KIAA0232: variants seen among roughly 807,000 people sequenced by gnomAD.
KIAA0232 encodes KIAA0232.
Under a neutral mutation model 122.0 loss-of-function variants are expected in KIAA0232, and 27 were observed. The observed-to-expected ratio is 0.22, with a 90% confidence interval of 0.16 to 0.31. KIAA0232 has a LOEUF of 0.31. KIAA0232 is among the 10% of genes least tolerant of loss of function. The pLI, the probability that KIAA0232 is intolerant of heterozygous loss-of-function variation, is 1.00. For missense variants in KIAA0232, 1,551 were observed against 1,634.2 expected (o/e 0.95, Z 0.88); for synonymous variants, 613 against 587.6 (o/e 1.04, Z -0.63).
chr4:6,848,903 A>G (rs1435030157), intron 4 of KIAA0232, among the ~76,000 whole-genome samples: 1 of 152,246 alleles, frequency 6.6e-6, no homozygotes, highest in Non-Finnish European at 1.5e-5. Context: ...TTGTGTGATC[A>G]CAGCCAGTCC....
intron 2 of KIAA0232, among the ~76,000 whole-genome samples, chr4:6,812,276 TATA>T (rs973498398): frequency 3.3e-5 from 5 of 152,158 alleles, no homozygotes; most frequent in Non-Finnish European, 5.9e-5. Context: ...GGAAATGTAC[TATA>T]TTTGCACACC....
chr4:6,863,232 A>G lies in KIAA0232; in HGVS notation c.2850A>G (p.Pro950=). ...GTGATGGGGAGTGGGCAGTCGTACC[A>G]CCTAGTCACACAAAAGGAAGTCTGT... ...FNSDGEWAVV[P]PSHTKGSLLQ... is the part of the protein sequence containing the mutation. Residue 950 remains proline, a synonymous_variant, in exon 7 of 10, where the codon CCA becomes CCG. Coordinates refer to ENST00000307659, the MANE Select transcript of KIAA0232 (RefSeq NM_014743.3). 1 of 1,613,980 alleles carries G rather than the reference A, an allele frequency of 6.2e-7. No homozygotes were observed. The highest frequency in any genetic ancestry group is 1.3e-5 in the African/African-American group (1 of 75,046).
chr4:6,828,497 G>C (rs765789234), intron 3 of KIAA0232, among the ~76,000 whole-genome samples: 6 of 152,126 alleles, frequency 3.9e-5, no homozygotes, highest in Non-Finnish European at 8.8e-5. Context: ...TCACACATTT[G>C]CTTTCTTTTA....
chr4:6,876,199 G>C (rs1306926080), intron 8 of KIAA0232, among the ~76,000 whole-genome samples: 1 of 152,188 alleles, frequency 6.6e-6, no homozygotes, highest in Non-Finnish European at 1.5e-5. Flanking sequence ...ACCCTGTGTC[G>C]TTTCTCCATT....
chr4:6,811,470 T>C (rs1717872924), intron 2 of KIAA0232, among the ~76,000 whole-genome samples: 1 of 152,134 alleles, frequency 6.6e-6, no homozygotes, highest in Non-Finnish European at 1.5e-5. Flanking sequence ...TGAGACAGGG[T>C]CTCACTCTGT....
intron 2 of KIAA0232, among the ~76,000 whole-genome samples, chr4:6,816,392 C>T (rs1718128528): frequency 6.6e-6 from 1 of 151,712 alleles, no homozygotes; most frequent in African/African-American, 2.4e-5. Flanking sequence ...ACGCCATTCT[C>T]CTGCCTCAGC....
chr4:6,824,245 A>G lies in KIAA0232; in HGVS notation c.-209A>G, dbSNP rs766234357. 65 of 591,040 alleles carry G rather than the reference A, an allele frequency of 1.1e-4. No homozygotes were observed. Among genetic ancestry groups the G allele is most frequent in the Non-Finnish European group, 1.7e-4 (57 of 330,338 alleles). 36.6% of individuals were successfully genotyped at this position (591,040 alleles called of 1,614,324 possible). A position where few individuals can be genotyped will look rare whatever the true frequency, so the allele number is the denominator to read the frequency against. On this transcript the variant is annotated 5_prime_UTR_variant, in exon 3 of 10. The change abolishes an upstream ATG in the 5' untranslated region. Transcript: ENST00000307659. ...AATTAAAGTAGAAAATCACATCTAC[A>G]TGCATGTTGCTATCAGGATGTTGAT...
chr4:6,834,816 C>G (rs1303697534), intron 3 of KIAA0232, among the ~76,000 whole-genome samples: 1 of 152,100 alleles, frequency 6.6e-6, no homozygotes, highest in Non-Finnish European at 1.5e-5. Flanking sequence ...GATTTGTTCA[C>G]TGTAAAAGTT....
Position 6,883,549 on chromosome 4 carries a change from G to T in KIAA0232, c.*2583G>T. ...GTGCAGCTTTGCTAGGGAAGAAAGT[G>T]GTGTGGCCTGCTGAGAAATCAGCGG... On this transcript the variant is annotated 3_prime_UTR_variant, in exon 10 of 10. Coordinates refer to ENST00000307659, the MANE Select transcript of KIAA0232 (RefSeq NM_014743.3). 1 of 152,260 alleles carries T rather than the reference G, an allele frequency of 6.6e-6. No homozygotes were observed. 9.4% of individuals were successfully genotyped at this position (152,260 alleles called of 1,614,324 possible).
intron 6 of KIAA0232, among the ~76,000 whole-genome samples, chr4:6,859,100 TAAAAAAAAAAAAA>T (rs34866239): frequency 1.9e-5 from 2 of 106,296 alleles, no homozygotes; most frequent in African/African-American, 7.3e-5. Context: ...TCTGTCTTAT[TAAAAAAAAAAAAA>T]AAAAAAAAAA....
chr4:6,852,953 A>C (rs1476724479), intron 4 of KIAA0232, among the ~76,000 whole-genome samples: 1 of 152,232 alleles, frequency 6.6e-6, no homozygotes, highest in East Asian at 1.9e-4. Flanking sequence ...CCTAGGGGCA[A>C]GTGCAGGGAG....
At chr4:6,859,507 A>G (rs1019128787) in intron 6 of KIAA0232, among the ~76,000 whole-genome samples, 3 of 152,246 alleles carry the variant, frequency 2.0e-5, no homozygotes, top group Non-Finnish European at 2.9e-5. Flanking sequence ...AAAAAAAAGT[A>G]AAGTATTAAA....
intron 7 of KIAA0232, among the ~76,000 whole-genome samples, chr4:6,866,995 T>C (rs772725795): frequency 6.6e-6 from 1 of 152,236 alleles, no homozygotes; most frequent in Non-Finnish European, 1.5e-5. Flanking sequence ...TGAGTTCTGA[T>C]GTATTCTCCA....
At chr4:6,794,605 C>T (rs1717050758) in intron 1 of KIAA0232, among the ~76,000 whole-genome samples, 1 of 152,130 alleles carries the variant, frequency 6.6e-6, no homozygotes, top group African/African-American at 2.4e-5. Flanking sequence ...CCTCTGTTGA[C>T]ACTTGAGCAG....
chr4:6,868,988 C>T (rs1018481011), intron 7 of KIAA0232, among the ~76,000 whole-genome samples: 12 of 152,112 alleles, frequency 7.9e-5, no homozygotes, highest in African/African-American at 1.9e-4. Context: ...GTTGGCCTGG[C>T]GGAAACTTTT....
intron 9 of KIAA0232, among the ~76,000 whole-genome samples, chr4:6,879,813 C>CCGTCTG (rs879543778): frequency 0.31 from 32,729 of 105,026 alleles, 12,200 homozygotes; most frequent in Non-Finnish European, 0.4. Flanking sequence ...CCCAACACAC[C>CCGTCTG]CATCTGCAGT....
chr4:6,854,818 T>G (rs1019284116), intron 4 of KIAA0232, among the ~76,000 whole-genome samples: 6 of 152,222 alleles, frequency 3.9e-5, no homozygotes, highest in Admixed American at 3.3e-4. Flanking sequence ...TCTTTCTTTG[T>G]TTTTTAAGAT....
chr4:6,857,939 GATAGCCCTTTTTCCTGTTTCAGTTGAA>G (rs1244442580), intron 5 of KIAA0232, among the ~76,000 whole-genome samples: 2 of 152,190 alleles, frequency 1.3e-5, no homozygotes, highest in East Asian at 3.8e-4. Context: ...TAAACTAAGG[GATAGCCCTTTTTCCTGTTTCAGTTGAA>G]ATAGCCCTTG....
At chr4:6,808,878 A>G (rs1169795776) in intron 2 of KIAA0232, among the ~76,000 whole-genome samples, 1 of 152,224 alleles carries the variant, frequency 6.6e-6, no homozygotes, top group East Asian at 1.9e-4. Context: ...GCATTCTACT[A>G]AATGGTACAT....
Sources: gnomAD v4.1 joint callset for allele counts (sites outside exome capture counted in the v4.1 genomes callset) on GRCh38, gnomAD v4.1.1 for gene constraint, MANE v1.5 for transcripts, NCBI Gene and HGNC (gene_info 2026-07-23, HGNC 2026-07-21) for gene names.